KRT1: variants seen among roughly 807,000 people sequenced by gnomAD.
KRT1 encodes keratin, type II cytoskeletal 1.
A neutral mutation model predicts 51.6 loss-of-function variants in KRT1; 28 were observed. The ratio of observed to expected loss-of-function variants is 0.54; its 90% CI spans 0.40 to 0.74. KRT1 has a LOEUF of 0.74. Ranked by LOEUF, KRT1 falls within the 30% of genes least tolerant of loss-of-function variation. KRT1 has a pLI of 0.00. For missense variants in KRT1, 783 were observed against 815.5 expected, an observed-to-expected ratio of 0.96 and a Z score of 0.49; for synonymous variants, 301 against 307.7, an observed-to-expected ratio of 0.98 and a Z score of 0.23.
In KRT1 at chr12:52,680,155, C is replaced by A. The variant is rs552006414; in HGVS notation, c.194G>T (p.Arg65Leu). The stretch of plus-strand genomic sequence containing the variant: ...ACTGCCACCAAGGTTAACAAGACTC[C>A]GACTTCCAAATCCACCACCAGCACC... ...SFGAGGGFGS[R>L]SLVNLGGSKS... The change falls in exon 1 of 9, where the codon CGG becomes CTG. Residue 65 changes from arginine (R) to leucine (L), a missense_variant. Physicochemically the swap from Arg to Leu is moderately radical, Grantham distance 102. Transcript: ENST00000252244. 1 of 1,602,718 alleles carries A rather than the reference C, an allele frequency of 6.2e-7. No individual in the cohort carries two copies. The highest frequency in any genetic ancestry group is 1.7e-5 in the Admixed American group (1 of 57,430).
chr12:52,675,157 G>A lies in KRT1; in HGVS notation c.*36C>T. ...CAAGCATATTTGTTAGTGATGCTGG[G>A]GGAGAACTAGAGCTAATGAAACAGA... On this transcript the variant is annotated 3_prime_UTR_variant, in exon 9 of 9. Coordinates refer to ENST00000252244, the MANE Select transcript of KRT1 (RefSeq NM_006121.4). 3.1e-6 allele frequency: 5 copies of A among 1,610,998 alleles called. No individual in the cohort carries two copies. The highest frequency in any genetic ancestry group is 4.2e-6 in the Non-Finnish European group (5 of 1,178,570).
chr12:52,677,901 C>T (rs182891457), intron 3 of KRT1, among the ~76,000 whole-genome samples, 156 bp from the exon 4 acceptor site: 14 of 152,316 alleles, frequency 9.2e-5, no homozygotes, highest in Admixed American at 2.6e-4. Flanking sequence ...GTCCCACCCC[C>T]GGATAGCACC....
intron 7 of KRT1, 66 bp from the exon 8 acceptor site, chr12:52,675,810 G>A: frequency 1.5e-5 from 23 of 1,569,232 alleles, no homozygotes; most frequent in Non-Finnish European, 1.9e-5. Flanking sequence ...CCCATTCCCC[G>A]CTCCACCACC....
intron 6 of KRT1, 118 bp downstream of exon 6, chr12:52,676,941 G>C: frequency 2.2e-6 from 3 of 1,350,244 alleles, no homozygotes; most frequent in Non-Finnish European, 3.1e-6. Context: ...AAGGAACCAG[G>C]GATAATAATG....
Position 52,679,874 on chromosome 12 carries a change from GGTTGATAGTGACTTCTT to G in KRT1, c.458_474del (p.Gln153ProfsTer12). Reference sequence around the variant, plus strand: ...ACATTGAGGGGCTGAAGAAGGCTCTGGTTGATAGTGACTTCTTGTATGCCACCAGGAGGGCAGACAGG... The same window carrying G: ...ACATTGAGGGGCTGAAGAAGGCTCTGGTATGCCACCAGGAGGGCAGACAGG... On this transcript the variant is annotated frameshift_variant, in exon 1 of 9. Coordinates refer to ENST00000252244, the MANE Select transcript of KRT1 (RefSeq NM_006121.4). LOFTEE classifies it high-confidence loss of function. 2 of 1,614,070 alleles carry G rather than the reference GGTTGATAGTGACTTCTT, an allele frequency of 1.2e-6. No individual in the cohort carries two copies. The highest frequency in any genetic ancestry group is 1.7e-6 in the Non-Finnish European group (2 of 1,180,012).
intron 6 of KRT1, 62 bp from the exon 7 acceptor site, chr12:52,676,557 T>G: frequency 6.4e-7 from 1 of 1,550,864 alleles, no homozygotes. Flanking sequence ...CTCATCCCAA[T>G]TGGTCTCCCC....
chr12:52,679,427 G>A (rs1425055038), intron 1 of KRT1, among the ~76,000 whole-genome samples: 4 of 152,080 alleles, frequency 2.6e-5, no homozygotes, highest in African/African-American at 9.7e-5. Flanking sequence ...GTTCTCACTT[G>A]CACCCTGGAA....
Position 52,678,572 on chromosome 12 carries a change from A to G in KRT1, c.776T>C (p.Met259Thr), listed in dbSNP as rs1304725792. ...QSRLDSELKNMQDMVEDYRNK... is the reference protein window; with the variant it reads ...QSRLDSELKNTQDMVEDYRNK... ...CCGGTAATCCTCCACCATGTCCTGC[A>G]TGTTCTTCAGTTCCGAATCCAACCG... Residue 259 changes from methionine to threonine, a missense_variant, in exon 2 of 9, where the codon ATG becomes ACG. By Grantham distance (81) the Met-to-Thr change is moderately conservative. Transcript: ENST00000252244. 2 of 1,614,120 alleles carry G rather than the reference A, an allele frequency of 1.2e-6. No homozygotes were observed. Among genetic ancestry groups the G allele is most frequent in the Admixed American group, 1.7e-5 (1 of 60,014 alleles).
In KRT1 at chr12:52,677,356, T is replaced by C. The variant is rs374690429; in HGVS notation, c.1088A>G (p.Gln363Arg). Residue 363 changes from glutamine (Q) to arginine (R), a missense_variant, in exon 5 of 9, where the codon CAG becomes CGG. Gln to Arg is a conservative substitution (Grantham distance 43). Transcript: ENST00000252244. ...EVKAQYEDIA[Q>R]KSKAEAESLY... ...GGACTCGGCCTCAGCTTTGCTCTTC[T>C]GGGCTATATCCTCGTACTGGGCCTT... The C allele has an allele frequency of 2.2e-5, 35 of 1,614,118 alleles. No individual in the cohort carries two copies. Among genetic ancestry groups the C allele is most frequent in the Non-Finnish European group, 3.0e-5 (35 of 1,180,054 alleles).
At chr12:52,677,543 A>G in intron 4 of KRT1, 63 bp from the exon 5 acceptor site, 12 of 1,609,960 alleles carry the variant, frequency 7.5e-6, no homozygotes, top group Non-Finnish European at 1.0e-5. Flanking sequence ...TTAGACAGAG[A>G]AAGCAGTCAG....
intron 8 of KRT1, 25 bp downstream of exon 8, chr12:52,675,685 C>T: frequency 2.5e-6 from 4 of 1,614,226 alleles, no homozygotes; most frequent in Non-Finnish European, 3.4e-6. Context: ...CTGCACATGC[C>T]CCTGAGAAAT....
intron 7 of KRT1, 36 bp from the exon 8 acceptor site, chr12:52,675,780 C>G (rs775947461): frequency 6.2e-7 from 1 of 1,612,460 alleles, no homozygotes; most frequent in South Asian, 1.1e-5. Flanking sequence ...TCAGGACACT[C>G]CAGCTTCCCA....
Position 52,676,450 on chromosome 12 carries a change from C to T in KRT1, c.1300G>A (p.Glu434Lys), listed in dbSNP as rs1369911383. The T allele has an allele frequency of 8.7e-6, 14 of 1,614,072 alleles. No individual in the cohort carries two copies. The highest frequency in any genetic ancestry group is 2.7e-5 in the African/African-American group (2 of 74,910). The change falls in exon 7 of 9, where the codon GAG becomes AAG. Residue 434 changes from glutamate (E) to lysine (K), a missense_variant. Glu to Lys is a moderately conservative substitution (Grantham distance 56). Transcript: ENST00000252244. ...TTCTTGGCATCCTTGAGGGCATTCT[C>T]GCCACGCTGCTCTGCATCACTGATG... Reference protein sequence around the residue: ...QSISDAEQRGENALKDAKNKL... With the variant: ...QSISDAEQRGKNALKDAKNKL...
At position 52,674,889 on chromosome 12, in the gene KRT1, G is replaced by T; in HGVS notation, c.*304C>A. 1.9e-6 allele frequency: 1 copy of T among 537,476 alleles called. No individual in the cohort carries two copies. The highest frequency in any genetic ancestry group is 2.1e-5 in the South Asian group (1 of 48,230). The allele number at this position is 537,476 out of a possible 1,614,324, so 33.3% of individuals were successfully genotyped here. On this transcript the variant is annotated 3_prime_UTR_variant, in exon 9 of 9. Coordinates refer to ENST00000252244, the MANE Select transcript of KRT1 (RefSeq NM_006121.4). ...AGCTGTCCACACCCTGGGTCTAACT[G>T]GTCCTACTCTGGCTGGCTTAAGGAG...
In KRT1 at chr12:52,676,349, C is replaced by T; in HGVS notation, c.1401G>A (p.Glu467=). Residue 467 remains glutamate (E), a synonymous_variant, in exon 7 of 9, where the codon GAG becomes GAA. Coordinates refer to ENST00000252244, the MANE Select transcript of KRT1 (RefSeq NM_006121.4). ...DLARLLRDYQ[E]LMNTKLALDL... is the part of the protein sequence containing the mutation. ...CCAGGGCCAGCTTTGTGTTCATCAG[C>T]TCCTGGTAGTCGCGCAGCAGGCGGG... is the stretch of plus-strand genomic sequence containing the variant. 6.2e-7 allele frequency: 1 copy of T among 1,614,190 alleles called. No individual in the cohort carries two copies. Among genetic ancestry groups the T allele is most frequent in the Non-Finnish European group, 8.5e-7 (1 of 1,180,042 alleles).
rs769822663 is a variant in KRT1, at chr12:52,679,804, T to A, written c.545A>T (p.Glu182Val). ...TTGGTTGTTGAGTGACTTGATTTGC[T>A]CCCTTTCTCGAGACTTCACCTTTTG... ...EIQKVKSRER[E>V]QIKSLNNQFA... Residue 182 changes from glutamate to valine, a missense_variant, in exon 1 of 9, where the codon GAG (glutamate) becomes GTG (valine). Physicochemically the swap from Glu to Val is moderately radical, Grantham distance 121. Coordinates refer to ENST00000252244, the MANE Select transcript of KRT1 (RefSeq NM_006121.4). The A allele has an allele frequency of 6.2e-7, 1 of 1,614,136 alleles. No homozygotes were observed. Among genetic ancestry groups the A allele is most frequent in the East Asian group, 2.2e-5 (1 of 44,876 alleles).
In KRT1 at chr12:52,675,218, G is replaced by A. The variant is rs376915013; in HGVS notation, c.1910C>T (p.Thr637Ile). ...TTATCTGGTTACTCCGGAATAAGTG[G>A]TAGAAACAAACTTCACGCTGGAACT... ...GGSSSVKFVS[T>I]TYSGVTR Residue 637 changes from threonine (T) to isoleucine (I), a missense_variant, in exon 9 of 9, where the codon ACC becomes ATC. Transcript: ENST00000252244. The A allele has an allele frequency of 4.6e-5, 74 of 1,613,750 alleles. No homozygotes were observed. Among genetic ancestry groups the A allele is most frequent in the Non-Finnish European group, 6.1e-5 (72 of 1,180,038 alleles).
chr12:52,678,358 T>C (rs908555836), intron 2 of KRT1, 135 bp from the exon 3 acceptor site: 1 of 1,056,204 alleles, frequency 9.5e-7, no homozygotes, highest in African/African-American at 1.6e-5. Context: ...TACTTTCTAC[T>C]GAGCAATAAA....
chr12:52,677,539 A>G, intron 4 of KRT1, 59 bp from the exon 5 acceptor site: 4 of 1,610,148 alleles, frequency 2.5e-6, no homozygotes, highest in Non-Finnish European at 1.7e-6. Flanking sequence ...CAACTTAGAC[A>G]GAGAAAGCAG....
Sources: allele counts gnomAD v4.1 joint callset (sites outside exome capture counted in the v4.1 genomes callset), GRCh38; gene constraint gnomAD v4.1.1; transcripts MANE v1.5; gene names NCBI Gene and HGNC (gene_info 2026-07-23, HGNC 2026-07-21).